Variants in SKAP2 observed in about 807,000 individuals in gnomAD.
SKAP2 encodes src kinase associated phosphoprotein 2.
In SKAP2, 28 loss-of-function variants were observed where a neutral mutation model predicts 54.9. The ratio of observed to expected loss-of-function variants is 0.51; its 90% CI spans 0.38 to 0.70. The LOEUF is 0.70. Among genes scored for constraint, SKAP2 ranks in the 30% least tolerant of loss-of-function variants. The pLI is 0.00. For synonymous variants in SKAP2, 137 were observed against 134.3 expected, an observed-to-expected ratio of 1.02 and a Z score of -0.14; for missense variants, 356 against 424.1, an observed-to-expected ratio of 0.84 and a Z score of 1.41.
At chr7:26,863,690 A>AGG (rs1785313011) in intron 1 of SKAP2, among the ~76,000 whole-genome samples, 1 of 152,188 alleles carries the variant, frequency 6.6e-6, no homozygotes, top group African/African-American at 2.4e-5. Flanking sequence ...ACAAAGATGA[A>AGG]GTACTTTCAT....
chr7:26,693,584 C>G (rs570367101), intron 9 of SKAP2, among the ~76,000 whole-genome samples: 1 of 152,078 alleles, frequency 6.6e-6, no homozygotes, highest in East Asian at 1.9e-4. Flanking sequence ...CTTAAATTAT[C>G]AGAATAATGA....
intron 4 of SKAP2, among the ~76,000 whole-genome samples, chr7:26,800,869 A>C (rs185917918): frequency 1.2e-3 from 177 of 152,296 alleles, no homozygotes; most frequent in Admixed American, 3.5e-3. Context: ...TCTCCCAGTA[A>C]AGAAAAGCCC....
intron 4 of SKAP2, among the ~76,000 whole-genome samples, chr7:26,823,634 T>C (rs113940036): frequency 6.0e-4 from 91 of 152,000 alleles, no homozygotes; most frequent in Non-Finnish European, 1.0e-3. Flanking sequence ...CTAGCAGAGG[T>C]TGGTTCATGA....
rs562218493 is a variant in SKAP2, at chr7:26,743,483, G to A, written c.308-3519C>T. 2.0e-5 allele frequency among the ~76,000 whole-genome samples: 3 copies of A among 152,190 alleles called. No individual in the cohort carries two copies. In the East Asian group the frequency reaches 5.8e-4, roughly 29 times the overall value. On this transcript the variant is annotated intron_variant, in intron 4 of 12. Transcript: ENST00000345317. ...AAGATTTCCCTTTACTTAAATGAAA[G>A]TGGTTAATGAAAAAAGTATATCCTA...
chr7:26,660,024 GCTTCT>G, the SKAP2 span, among the ~76,000 whole-genome samples: 2 of 152,032 alleles, frequency 1.3e-5, no homozygotes, highest in African/African-American at 2.4e-5. Context: ...TAGATGAGAT[GCTTCT>G]CTTCTCAACA....
chr7:26,842,193 A>G (rs1784830528), intron 4 of SKAP2, among the ~76,000 whole-genome samples: 1 of 151,812 alleles, frequency 6.6e-6, no homozygotes, highest in African/African-American at 2.4e-5. Flanking sequence ...TACTACAGGT[A>G]AAAGTTTTAA....
chr7:26,790,150 T>C (rs1391478531), intron 4 of SKAP2, among the ~76,000 whole-genome samples: 1 of 152,198 alleles, frequency 6.6e-6, no homozygotes, highest in Non-Finnish European at 1.5e-5. Context: ...AGCTGAATTA[T>C]AGGAGGATTC....
intron 4 of SKAP2, among the ~76,000 whole-genome samples, chr7:26,820,665 G>A (rs747319486): frequency 3.9e-5 from 6 of 151,990 alleles, no homozygotes; most frequent in Non-Finnish European, 7.4e-5. Context: ...GAACCACCAC[G>A]TAAAAATGCC....
chr7:26,755,522 A>G (rs1782771937), intron 4 of SKAP2, among the ~76,000 whole-genome samples: 1 of 152,208 alleles, frequency 6.6e-6, no homozygotes, highest in Non-Finnish European at 1.5e-5. Flanking sequence ...CCAGTAATTT[A>G]TGGAATAAGT....
chr7:26,660,500 A>C, the SKAP2 span, among the ~76,000 whole-genome samples: 1 of 152,072 alleles, frequency 6.6e-6, no homozygotes, highest in Non-Finnish European at 1.5e-5. Context: ...ATCAATACAG[A>C]GTATTTATTG....
intron 9 of SKAP2, among the ~76,000 whole-genome samples, chr7:26,721,539 T>TA (rs932124100): frequency 1.1e-4 from 16 of 151,290 alleles, no homozygotes; most frequent in East Asian, 3.9e-4. Flanking sequence ...CATTGTAATT[T>TA]AAAAAAAAAT....
At chr7:26,806,070 C>A (rs1326752201) in intron 4 of SKAP2, among the ~76,000 whole-genome samples, 3 of 152,114 alleles carry the variant, frequency 2.0e-5, no homozygotes, top group Non-Finnish European at 4.4e-5. Flanking sequence ...GAGCCACACC[C>A]ATATAGGATA....
chr7:26,685,876 T>C (rs945822412), intron 10 of SKAP2, among the ~76,000 whole-genome samples: 2 of 152,200 alleles, frequency 1.3e-5, no homozygotes, highest in Non-Finnish European at 2.9e-5. Context: ...GATGTCCGTG[T>C]GTTCACTAGC....
chr7:26,839,925 T>C (rs575650565), intron 4 of SKAP2, among the ~76,000 whole-genome samples: 14 of 152,150 alleles, frequency 9.2e-5, no homozygotes, highest in African/African-American at 2.6e-4. Flanking sequence ...TTGGAAAAAA[T>C]GATTTACATG....
chr7:26,713,135 C>T (rs1043618831), intron 9 of SKAP2, among the ~76,000 whole-genome samples: 2 of 152,204 alleles, frequency 1.3e-5, no homozygotes, highest in African/African-American at 4.8e-5. Context: ...CTTGAACACC[C>T]CAGGATTGTC....
intron 4 of SKAP2, among the ~76,000 whole-genome samples, chr7:26,803,513 T>C (rs1471896997): frequency 6.6e-6 from 1 of 152,184 alleles, no homozygotes; most frequent in Non-Finnish European, 1.5e-5. Context: ...TTGTATGCTA[T>C]TGGTGGGAAT....
intron 4 of SKAP2, among the ~76,000 whole-genome samples, chr7:26,754,659 T>C (rs1316196348): frequency 1.3e-5 from 2 of 152,176 alleles, no homozygotes; most frequent in Non-Finnish European, 1.5e-5. Flanking sequence ...AAGAAACTGA[T>C]GGAATATTGA....
chr7:26,859,683 G>C (rs1409109332), intron 1 of SKAP2, among the ~76,000 whole-genome samples: 1 of 152,160 alleles, frequency 6.6e-6, no homozygotes, highest in East Asian at 1.9e-4. Context: ...AACCCTAAAA[G>C]ATGACTCTTG....
intron 9 of SKAP2, among the ~76,000 whole-genome samples, chr7:26,712,539 C>T (rs942432422): frequency 6.6e-6 from 1 of 152,186 alleles, no homozygotes; most frequent in Non-Finnish European, 1.5e-5. Context: ...AGCTTAACCT[C>T]CAGAGTCAGA....
Sources: allele counts gnomAD v4.1 joint callset (sites outside exome capture counted in the v4.1 genomes callset), GRCh38; gene constraint gnomAD v4.1.1; transcripts MANE v1.5; gene names NCBI Gene and HGNC (gene_info 2026-07-23, HGNC 2026-07-21).